Variants in ENOX1 observed in about 807,000 individuals in gnomAD.
ENOX1 encodes the protein candidate growth-related and time keeping constitutive hydroquinone (NADH) oxidase.
In ENOX1, 42 loss-of-function variants were observed where a neutral mutation model predicts 82.5. That is an observed-to-expected ratio of 0.51 (90% CI 0.40 to 0.66). The LOEUF is 0.66. Among genes scored for constraint, ENOX1 ranks in the 30% least tolerant of loss-of-function variants. The pLI, the probability that ENOX1 is intolerant of heterozygous loss-of-function variation, is 0.00. For synonymous variants in ENOX1, 271 were observed against 282.2 expected, an observed-to-expected ratio of 0.96 and a Z score of 0.40; for missense variants, 608 against 811.6, an observed-to-expected ratio of 0.75 and a Z score of 3.05.
At chr13:43,487,737 T>G (rs1011796510) in intron 2 of ENOX1, among the ~76,000 whole-genome samples, 1 of 152,188 alleles carries the variant, frequency 6.6e-6, no homozygotes, top group African/African-American at 2.4e-5. Context: ...TCTGTCACTG[T>G]GGACAGAAAC....
chr13:43,454,009 T>TA (rs1212726081), intron 3 of ENOX1, among the ~76,000 whole-genome samples: 1 of 152,062 alleles, frequency 6.6e-6, no homozygotes, highest in Non-Finnish European at 1.5e-5. Context: ...TTTGAAAGAT[T>TA]AAAAAATCAC....
intron 13 of ENOX1, among the ~76,000 whole-genome samples, chr13:43,267,116 C>A (rs769257345): frequency 6.6e-6 from 1 of 152,204 alleles, no homozygotes; most frequent in Admixed American, 6.5e-5. Flanking sequence ...AACCCCTCCC[C>A]GCTGCAGCCC....
At chr13:43,322,082 T>G (rs556270116) in intron 11 of ENOX1, among the ~76,000 whole-genome samples, 2 of 152,344 alleles carry the variant, frequency 1.3e-5, no homozygotes, top group South Asian at 4.1e-4. Context: ...TTTATCCATA[T>G]TTTTAGCATC....
At chr13:43,230,354 G>A (rs1203664123) in intron 15 of ENOX1, among the ~76,000 whole-genome samples, 3 of 152,272 alleles carry the variant, frequency 2.0e-5, no homozygotes, top group Admixed American at 2.0e-4. Flanking sequence ...AGCATAGTGC[G>A]TTGGAGGAAT....
chr13:43,231,176 A>G (rs1258145157), intron 15 of ENOX1, among the ~76,000 whole-genome samples: 1 of 152,214 alleles, frequency 6.6e-6, no homozygotes, highest in African/African-American at 2.4e-5. Context: ...GGGAATTACC[A>G]GAGGCCTGAC....
intron 15 of ENOX1, among the ~76,000 whole-genome samples, chr13:43,230,089 G>C (rs998943676): frequency 6.6e-6 from 1 of 152,194 alleles, no homozygotes; most frequent in Non-Finnish European, 1.5e-5. Flanking sequence ...CCAAAATTTA[G>C]AGGTAAGCTG....
chr13:43,579,449 G>T (rs1362829917), intron 2 of ENOX1, among the ~76,000 whole-genome samples: 1 of 152,192 alleles, frequency 6.6e-6, no homozygotes, highest in Admixed American at 6.5e-5. Context: ...GAAGTACACA[G>T]TACACTTCCC....
chr13:43,460,793 CAAAAAAAAAAAAAAAAAA>C (rs1312983530), intron 3 of ENOX1, among the ~76,000 whole-genome samples: 1 of 25,702 alleles, frequency 3.9e-5, no homozygotes. Flanking sequence ...GACTCCATCT[CAAAAAAAAAAAAAAAAAA>C]AAAAAAAAAA....
chr13:43,724,724 T>A (rs753497251), intron 1 of ENOX1, among the ~76,000 whole-genome samples: 18 of 152,228 alleles, frequency 1.2e-4, no homozygotes, highest in Non-Finnish European at 2.5e-4. Context: ...ATTTTTTTCC[T>A]AATCCATAGT....
At chr13:43,235,502 G>A (rs2042493656) in intron 15 of ENOX1, among the ~76,000 whole-genome samples, 1 of 152,128 alleles carries the variant, frequency 6.6e-6, no homozygotes, top group Non-Finnish European at 1.5e-5. Flanking sequence ...AGAGGCCAAG[G>A]CAGGTGGATC....
chr13:43,221,575 CA>C (rs2041791452), intron 16 of ENOX1, among the ~76,000 whole-genome samples: 1 of 152,114 alleles, frequency 6.6e-6, no homozygotes, highest in Admixed American at 6.5e-5. Context: ...GTTTCTGATA[CA>C]AGAGAACCGG....
At chr13:43,698,295 T>A (rs2086738374) in intron 1 of ENOX1, among the ~76,000 whole-genome samples, 2 of 152,172 alleles carry the variant, frequency 1.3e-5, no homozygotes, top group Admixed American at 1.3e-4. Flanking sequence ...GAATCACAAC[T>A]CCTACATAAG....
chr13:43,313,093 A>G (rs971809389), intron 11 of ENOX1, among the ~76,000 whole-genome samples: 2 of 152,204 alleles, frequency 1.3e-5, no homozygotes, highest in African/African-American at 4.8e-5. Flanking sequence ...CATTGGTGCC[A>G]TAACAGGGTC....
At chr13:43,575,638 T>C (rs2153713923) in intron 2 of ENOX1, among the ~76,000 whole-genome samples, 1 of 152,338 alleles carries the variant, frequency 6.6e-6, no homozygotes, top group Middle Eastern at 3.4e-3. Context: ...ATTGTGGTTA[T>C]TAACAGCTAC....
At chr13:43,501,028 A>G (rs1265321749) in intron 2 of ENOX1, among the ~76,000 whole-genome samples, 1 of 151,860 alleles carries the variant, frequency 6.6e-6, no homozygotes, top group Admixed American at 6.6e-5. Context: ...AACTAACAAT[A>G]TAACAATAGT....
At chr13:43,499,923 C>G (rs1004533883) in intron 2 of ENOX1, among the ~76,000 whole-genome samples, 2 of 151,928 alleles carry the variant, frequency 1.3e-5, no homozygotes, top group Non-Finnish European at 2.9e-5. Flanking sequence ...AATTCTGGAG[C>G]TGCAGTTATT....
chr13:43,433,776 A>T (rs2055832517), intron 3 of ENOX1, among the ~76,000 whole-genome samples: 1 of 152,166 alleles, frequency 6.6e-6, no homozygotes, highest in Admixed American at 6.5e-5. Flanking sequence ...TCCCTGCTGG[A>T]ACGCACCTCA....
chr13:43,453,712 G>T (rs1566260524), intron 3 of ENOX1, among the ~76,000 whole-genome samples: 1 of 152,202 alleles, frequency 6.6e-6, no homozygotes, highest in Non-Finnish European at 1.5e-5. Context: ...GTAGGGAAGT[G>T]TTCAAGGGAT....
At chr13:43,609,901 T>G (rs1034099925) in intron 2 of ENOX1, 6 of 982,102 alleles carry the variant, frequency 6.1e-6, no homozygotes, top group Middle Eastern at 1.0e-3. Flanking sequence ...TGTAAGAAAT[T>G]TTTCCATCTT....
Sources: allele counts gnomAD v4.1 joint callset (sites outside exome capture counted in the v4.1 genomes callset), GRCh38; gene constraint gnomAD v4.1.1; transcripts MANE v1.5; gene names NCBI Gene and HGNC (gene_info 2026-07-23, HGNC 2026-07-21).